Variants in FABP12 observed in about 807,000 individuals in gnomAD.
FABP12 encodes fatty acid binding protein 12.
In FABP12, 19 loss-of-function variants were observed where a neutral mutation model predicts 13.7. The observed-to-expected ratio is 1.39, with a 90% confidence interval of 0.97 to 2.04. FABP12 has a LOEUF of 2.04. FABP12 is among the 30% of genes most tolerant of loss of function. The pLI is 0.00. For missense variants in FABP12, 182 were observed against 164.2 expected (o/e 1.11, Z -0.59); for synonymous variants, 61 against 57.0 (o/e 1.07, Z -0.32).
intron 1 of FABP12, among the ~76,000 whole-genome samples, chr8:81,561,720 CAGCCGG>C (rs1809726676): frequency 6.6e-6 from 1 of 152,198 alleles, no homozygotes; most frequent in South Asian, 2.1e-4. Context: ...TAGAAGAACT[CAGCCGG>C]TGCCCACAGA....
At chr8:81,573,860 T>A (rs1809979090) in intron 1 of FABP12, among the ~76,000 whole-genome samples, 1 of 152,006 alleles carries the variant, frequency 6.6e-6, no homozygotes, top group African/African-American at 2.4e-5. Flanking sequence ...TCTGGAGGAG[T>A]CTTTGTGGTT....
chr8:81,590,108 C>T (rs1810297617), exon 1 of FABP12, among the ~76,000 whole-genome samples: 1 of 152,190 alleles, frequency 6.6e-6, no homozygotes, highest in African/African-American at 2.4e-5. Flanking sequence ...ATGGGACTTC[C>T]ACCTGCATGT....
At chr8:81,558,711 G>A (rs1183758134) in intron 1 of FABP12, among the ~76,000 whole-genome samples, 2 of 151,952 alleles carry the variant, frequency 1.3e-5, no homozygotes, top group African/African-American at 4.8e-5. Flanking sequence ...CCAACATAGT[G>A]AAACCCCGTC....
intron 2 of FABP12, among the ~76,000 whole-genome samples, chr8:81,530,133 T>C (rs1585834696): frequency 1.3e-5 from 2 of 152,306 alleles, no homozygotes; most frequent in East Asian, 3.9e-4. Flanking sequence ...CATTTGAAGT[T>C]ACAATTCAGT....
At chr8:81,550,579 T>C (rs956825679) in intron 1 of FABP12, among the ~76,000 whole-genome samples, 1 of 152,168 alleles carries the variant, frequency 6.6e-6, no homozygotes, top group African/African-American at 2.4e-5. Flanking sequence ...GGTAAGGATA[T>C]GGTGAGTGAA....
intron 1 of FABP12, among the ~76,000 whole-genome samples, chr8:81,550,563 A>G (rs1035694372): frequency 2.0e-5 from 3 of 152,156 alleles, no homozygotes; most frequent in African/African-American, 7.2e-5. Flanking sequence ...ACTAAGAACA[A>G]GGTTGGGTAA....
At chr8:81,584,811 T>C (rs192139890) in intron 1 of FABP12, among the ~76,000 whole-genome samples, 12 of 152,342 alleles carry the variant, frequency 7.9e-5, no homozygotes, top group African/African-American at 2.6e-4. Context: ...CAGCATTTAT[T>C]AGATAATAAT....
intron 1 of FABP12, among the ~76,000 whole-genome samples, chr8:81,548,705 G>A (rs1809476490): frequency 6.6e-6 from 1 of 152,150 alleles, no homozygotes; most frequent in African/African-American, 2.4e-5. Context: ...TAATCATCAG[G>A]AGAGAATTTT....
At chr8:81,557,074 T>C (rs1809633465) in intron 1 of FABP12, among the ~76,000 whole-genome samples, 1 of 151,744 alleles carries the variant, frequency 6.6e-6, no homozygotes. Context: ...GGAGTTTCAC[T>C]ATGTTGGCCA....
At chr8:81,525,383 G>A (rs1184446664) in intron 4 of FABP12, among the ~76,000 whole-genome samples, 1 of 152,082 alleles carries the variant, frequency 6.6e-6, no homozygotes, top group Non-Finnish European at 1.5e-5. Context: ...GGGGATGATG[G>A]CATGCGCCTA....
chr8:81,528,280 T>C (rs6995346), intron 3 of FABP12, among the ~76,000 whole-genome samples: 27,985 of 151,852 alleles, frequency 0.18, 4,203 homozygotes, highest in African/African-American at 0.42. Context: ...GATCCTGCTA[T>C]GTTGTTCAGG....
At chr8:81,589,091 G>C (rs943880878) in intron 1 of FABP12, among the ~76,000 whole-genome samples, 4 of 152,178 alleles carry the variant, frequency 2.6e-5, no homozygotes, top group African/African-American at 4.8e-5. Context: ...GAAGGAACCA[G>C]CAACTAGAGG....
At chr8:81,525,548 AGATAGAT>A (rs1488859732) in intron 4 of FABP12, among the ~76,000 whole-genome samples, 1 of 130,538 alleles carries the variant, frequency 7.7e-6, no homozygotes, top group African/African-American at 3.6e-5. Context: ...ATAGATAGAT[AGATAGAT>A]GATAGATAGA....
rs191069622 is a variant in FABP12, at chr8:81,581,260, T to C, written c.-185+8793A>G. On this transcript the variant is annotated intron_variant, in intron 1 of 5. Coordinates refer to the FABP12 transcript ENST00000692030. ...GGCCAATGCTACCCAATCACAAGGCTTGAAAAGGGAGGACTTTGATTGTGA... is the reference window on the plus strand; with the variant it reads ...GGCCAATGCTACCCAATCACAAGGCCTGAAAAGGGAGGACTTTGATTGTGA... Among the ~76,000 whole-genome samples the C allele has an allele frequency of 2.0e-4, 31 of 152,324 alleles. No homozygotes were observed. In the East Asian group the frequency reaches 6.0e-3, roughly 29 times the overall value.
chr8:81,582,185 T>A (rs556620546), intron 1 of FABP12, among the ~76,000 whole-genome samples: 1 of 134,642 alleles, frequency 7.4e-6, no homozygotes, highest in South Asian at 2.6e-4. Flanking sequence ...TACAGTGGCA[T>A]AATCTCGGCT....
rs979664286 is a variant in FABP12, at chr8:81,543,778, T to C, written c.-184-4035A>G. 2.0e-5 allele frequency among the ~76,000 whole-genome samples: 3 copies of C among 152,166 alleles called. No individual in the cohort carries two copies. The East Asian group carries it at 5.8e-4, about 29-fold the overall frequency. On this transcript the variant is annotated intron_variant, in intron 1 of 5. Transcript: ENST00000692030. The stretch of plus-strand genomic sequence containing the variant: ...TCTATAGTTAGAAGAATAAATTCTG[T>C]CTTAAAAAATATGTTCAACAGGGAC...
chr8:81,586,356 C>T (rs561310463), intron 1 of FABP12, among the ~76,000 whole-genome samples: 2 of 152,136 alleles, frequency 1.3e-5, no homozygotes, highest in African/African-American at 4.8e-5. Context: ...TAGGTATATA[C>T]CCAGTTATGG....
At chr8:81,569,359 A>G (rs1290802318) in intron 1 of FABP12, among the ~76,000 whole-genome samples, 2 of 152,222 alleles carry the variant, frequency 1.3e-5, no homozygotes, top group East Asian at 3.8e-4. Flanking sequence ...TGGTTATTGT[A>G]TGGTTCTGTA....
At chr8:81,555,240 C>T (rs1399307675) in intron 1 of FABP12, among the ~76,000 whole-genome samples, 2 of 152,160 alleles carry the variant, frequency 1.3e-5, no homozygotes, top group Non-Finnish European at 2.9e-5. Flanking sequence ...TTTGACTATT[C>T]TGTGCCAGAC....
Sources: allele counts gnomAD v4.1 joint callset (sites outside exome capture counted in the v4.1 genomes callset), GRCh38; gene constraint gnomAD v4.1.1; transcripts MANE v1.5; gene names NCBI Gene and HGNC (gene_info 2026-07-23, HGNC 2026-07-21).